The following CARMIL2 variants were observed in gnomAD, a reference collection of about 807,000 sequenced individuals.
The protein encoded by CARMIL2 is capping protein, Arp2/3 and myosin-I linker protein 2.
In CARMIL2, 96 loss-of-function variants were observed where a neutral mutation model predicts 173.3. The ratio of observed to expected loss-of-function variants is 0.55; its 90% CI spans 0.47 to 0.66. CARMIL2 has a LOEUF of 0.66. Ranked by LOEUF, CARMIL2 falls within the 30% of genes least tolerant of loss-of-function variation. The pLI, the probability that CARMIL2 is intolerant of heterozygous loss-of-function variation, is 0.00. For missense variants in CARMIL2, 1,771 were observed against 1,906.7 expected (o/e 0.93, Z 1.33); for synonymous variants, 830 against 817.1 (o/e 1.02, Z -0.27).
chr16:67,650,912 C>T (rs1233676473), intron 22 of CARMIL2: 1 of 406,610 alleles, frequency 2.5e-6, no homozygotes, highest in Non-Finnish European at 4.5e-6. Flanking sequence ...TCAGTCTATC[C>T]TCTGTGTGGA....
Position 67,654,390 on chromosome 16 carries a change from C to T in CARMIL2, c.3280C>T (p.Leu1094=). Residue 1094 remains leucine (L), a synonymous_variant, in exon 31 of 38, where the codon CTG becomes TTG. Coordinates refer to ENST00000334583, the MANE Select transcript of CARMIL2 (RefSeq NM_001013838.3). ...EGGATPVPRT[L]RKKLGTLFAF... ...GGGCGCCACTCCTGTCCCCCGTACACTGCGAAAGAAGCTGGGCACCCTCTT... is the reference window on the plus strand; with the variant it reads ...GGGCGCCACTCCTGTCCCCCGTACATTGCGAAAGAAGCTGGGCACCCTCTT... 2 of 1,608,502 alleles carry T rather than the reference C, an allele frequency of 1.2e-6. No homozygotes were observed. The highest frequency in any genetic ancestry group is 1.7e-6 in the Non-Finnish European group (2 of 1,177,848).
chr16:67,649,697 T>C lies in CARMIL2; in HGVS notation c.1919+78T>C, dbSNP rs2142926172. ...AGGGCACCGGGCTAAGGGGAGGGAC[T>C]GAATGAGGCGGAGCAAATGGAGCAG... On this transcript the variant is annotated intron_variant, in intron 20 of 37. Coordinates refer to ENST00000334583, the MANE Select transcript of CARMIL2 (RefSeq NM_001013838.3). This position sits in a 1 kb window ranked among gnomAD's most constrained non-coding sequence, Gnocchi z 6.7. 2 of 1,559,770 alleles carry C rather than the reference T, an allele frequency of 1.3e-6. No individual in the cohort carries two copies. The highest frequency in any genetic ancestry group is 2.4e-5 in the South Asian group (2 of 84,114).
intron 29 of CARMIL2, 67 bp from the exon 30 acceptor site, chr16:67,654,082 G>GCC: frequency 4.8e-6 from 1 of 208,996 alleles, no homozygotes; most frequent in Non-Finnish European, 6.9e-6. Flanking sequence ...CTGCCGGCCG[G>GCC]GGGGGGGGGG....
chr16:67,652,882 G>C lies in CARMIL2; in HGVS notation c.2885-137G>C. On this transcript the variant is annotated intron_variant, in intron 28 of 37. Coordinates refer to ENST00000334583, the MANE Select transcript of CARMIL2 (RefSeq NM_001013838.3). The surrounding 1 kb of genome is among the most constrained non-coding windows in gnomAD (Gnocchi z 4.7). ...GCGGCGGCGGCGGGGGAGGGGCGGAGGGGCAGAGGGGCGGGGGGACGGGCG... is the reference window on the plus strand; with the variant it reads ...GCGGCGGCGGCGGGGGAGGGGCGGACGGGCAGAGGGGCGGGGGGACGGGCG... 1 of 219,640 alleles carries C rather than the reference G, an allele frequency of 4.6e-6. No homozygotes were observed. The highest frequency in any genetic ancestry group is 8.4e-6 in the Non-Finnish European group (1 of 118,994). 13.6% of individuals were successfully genotyped at this position (219,640 alleles called of 1,614,324 possible).
chr16:67,657,341 G>C lies in CARMIL2; in HGVS notation c.4195+25G>C, dbSNP rs762216456. 7 of 1,612,402 alleles carry C rather than the reference G, an allele frequency of 4.3e-6. No individual in the cohort carries two copies. The Admixed American group carries it at 1.0e-4, about 23-fold the overall frequency. On this transcript the variant is annotated intron_variant, in intron 37 of 37. Coordinates refer to ENST00000334583, the MANE Select transcript of CARMIL2 (RefSeq NM_001013838.3). The surrounding 1 kb of genome is among the most constrained non-coding windows in gnomAD (Gnocchi z 4.5). ...GGTAAGAGGGGGTCCAGGCCAGCTG[G>C]GAGGGTGGCAGGACTGCTTAGCCCA...
In CARMIL2 at chr16:67,651,474, TTC is replaced by T. The variant is rs779614346; in HGVS notation, c.2389_2390del (p.Leu797GlufsTer64). On this transcript the variant is annotated frameshift_variant, in exon 24 of 38. Transcript: ENST00000334583. LOFTEE classifies it high-confidence loss of function. The surrounding 1 kb of genome is among the most constrained non-coding windows in gnomAD (Gnocchi z 4.2). ...CAGCTTGGGCAGAAGCTGGAGGGCC[TTC>T]TGAGACAGGTGGGCGAGGTCTGCCG... 1 of 1,599,482 alleles carries T rather than the reference TTC, an allele frequency of 6.3e-7. No homozygotes were observed. The highest frequency in any genetic ancestry group is 1.1e-5 in the South Asian group (1 of 88,916).
At position 67,654,564 on chromosome 16, in the gene CARMIL2, G is replaced by A; in HGVS notation, c.3454G>A (p.Glu1152Lys). 1.9e-6 allele frequency: 3 copies of A among 1,611,700 alleles called. No individual in the cohort carries two copies. Among genetic ancestry groups the A allele is most frequent in the Non-Finnish European group, 2.5e-6 (3 of 1,179,204 alleles). The change falls in exon 31 of 38, where the codon GAG becomes AAG. Residue 1152 changes from glutamate to lysine, a missense_variant. Glu to Lys is a moderately conservative substitution (Grantham distance 56, BLOSUM62 1). Coordinates refer to ENST00000334583, the MANE Select transcript of CARMIL2 (RefSeq NM_001013838.3). ...CCGTGGTGAGGAGCTTGGTGGGGCT[G>A]AGGGGGACACCAGCAGCCCTGACCC... ...PSRGEELGGA[E>K]GDTSSPDPAG...
rs1196194324 is a variant in CARMIL2, at chr16:67,657,131, AGT to A, written c.4118-100_4118-99del. 2.0e-6 allele frequency: 2 copies of A among 988,406 alleles called. No individual in the cohort carries two copies. Among genetic ancestry groups the A allele is most frequent in the East Asian group, 2.6e-5 (1 of 37,994 alleles). 61.2% of individuals were successfully genotyped at this position (988,406 alleles called of 1,614,324 possible). On this transcript the variant is annotated intron_variant, in intron 36 of 37. Coordinates refer to ENST00000334583, the MANE Select transcript of CARMIL2 (RefSeq NM_001013838.3). This position sits in a 1 kb window ranked among gnomAD's most constrained non-coding sequence, Gnocchi z 4.5. ...GGACGGGGGATGCTCTGAAGGCAGCAGTGTGTGTGAGTGCATGCTTATGTGCA... is the reference window on the plus strand; with the variant it reads ...GGACGGGGGATGCTCTGAAGGCAGCAGTGTGTGAGTGCATGCTTATGTGCA...
chr16:67,647,613 G>T lies in CARMIL2; in HGVS notation c.871+11G>T. ...TGCTGGATGACCGAGGTATGACTGAGCCTGGGGACCGCAGGGGTGGGCAGC... is the reference window on the plus strand; with the variant it reads ...TGCTGGATGACCGAGGTATGACTGATCCTGGGGACCGCAGGGGTGGGCAGC... On this transcript the variant is annotated intron_variant, in intron 11 of 37. Transcript: ENST00000334583. 6.2e-7 allele frequency: 1 copy of T among 1,607,886 alleles called. No individual in the cohort carries two copies. Among genetic ancestry groups the T allele is most frequent in the South Asian group, 1.1e-5 (1 of 89,784 alleles).
At position 67,645,260 on chromosome 16, in the gene CARMIL2, C is replaced by T; in HGVS notation, c.14C>T (p.Pro5Leu). 6.2e-7 allele frequency: 1 copy of T among 1,602,552 alleles called. No individual in the cohort carries two copies. Among genetic ancestry groups the T allele is most frequent in the South Asian group, 1.1e-5 (1 of 89,018 alleles). Residue 5 changes from proline to leucine, a missense_variant, in exon 1 of 38, where the codon CCC becomes CTC. Around this residue, in one of 3 missense-constraint regions of CARMIL2, gnomAD observed 944 missense variants for 975.6 expected, o/e 0.97. Transcript: ENST00000334583. ...CCCGCCCGGCCCATGGCCCAGACCC[C>T]CGACGGCATCTCCTGTGAGCTCCGA... Reference protein sequence around the residue: MAQTPDGISCELRGE... With the variant: MAQTLDGISCELRGE...
At chr16:67,650,557 C>T (rs543260544) in intron 22 of CARMIL2, 1 of 221,120 alleles carries the variant, frequency 4.5e-6, no homozygotes, top group South Asian at 8.5e-5. Flanking sequence ...CTCTCCATTC[C>T]CAAATACCTC....
Position 67,654,326 on chromosome 16 carries a change from C to G in CARMIL2, c.3222-6C>G, listed in dbSNP as rs1434269631. ...CTTTCTCGCTCACTGCTGGGTGTCCCCACAGCTGGGCCCCCGAGGAGGACC... is the reference window on the plus strand; with the variant it reads ...CTTTCTCGCTCACTGCTGGGTGTCCGCACAGCTGGGCCCCCGAGGAGGACC... On this transcript the variant is annotated splice_region_variant and splice_polypyrimidine_tract_variant and intron_variant, in intron 30 of 37. Transcript: ENST00000334583. The G allele has an allele frequency of 2.5e-6, 4 of 1,589,072 alleles. No homozygotes were observed. The highest frequency in any genetic ancestry group is 1.3e-5 in the African/African-American group (1 of 74,604).
chr16:67,648,922 A>G lies in CARMIL2; in HGVS notation c.1539A>G (p.Gln513=), dbSNP rs372865421. The change falls in exon 17 of 38, where the codon CAA becomes CAG. Residue 513 remains glutamine, a synonymous_variant. Transcript: ENST00000334583. The surrounding 1 kb of genome is among the most constrained non-coding windows in gnomAD (Gnocchi z 6.1). ...ELRSAGAQVI[Q]DLVCDAGAVS... is the part of the protein sequence containing the mutation. ...GCTCGGCCGGCGCCCAGGTGATACA[A>G]GACTTAGTGTGCGACGCAGGCGCTG... The G allele has an allele frequency of 1.9e-6, 3 of 1,609,262 alleles. No homozygotes were observed. The highest frequency in any genetic ancestry group is 8.5e-7 in the Non-Finnish European group (1 of 1,178,168).
Position 67,649,675 on chromosome 16 carries a change from G to T in CARMIL2, c.1919+56G>T. ...GGCAGGGGGCGCGGTGGAGAGGAGG[G>T]CACCGGGCTAAGGGGAGGGACTGAA... On this transcript the variant is annotated intron_variant, in intron 20 of 37. Transcript: ENST00000334583. The surrounding 1 kb of genome is among the most constrained non-coding windows in gnomAD (Gnocchi z 6.7). The T allele has an allele frequency of 1.9e-6, 3 of 1,557,108 alleles. No homozygotes were observed. The highest frequency in any genetic ancestry group is 1.2e-5 in the South Asian group (1 of 84,758).
intron 29 of CARMIL2, 62 bp from the exon 30 acceptor site, chr16:67,654,087 G>GA: frequency 2.7e-6 from 3 of 1,104,396 alleles, no homozygotes; most frequent in South Asian, 1.6e-5. Flanking sequence ...GGCCGGGGGG[G>GA]GGGGGGGGTA....
In CARMIL2 at chr16:67,654,369, G is replaced by T; in HGVS notation, c.3259G>T (p.Ala1087Ser). 6.2e-7 allele frequency: 1 copy of T among 1,603,332 alleles called. No individual in the cohort carries two copies. The highest frequency in any genetic ancestry group is 1.3e-5 in the African/African-American group (1 of 74,804). ...GGAGGACCCGGCCACTGAGGGGGGC[G>T]CCACTCCTGTCCCCCGTACACTGCG... ...PEEDPATEGG[A>S]TPVPRTLRKK... is the part of the protein sequence containing the mutation. Residue 1087 changes from alanine (A) to serine (S), a missense_variant, in exon 31 of 38, where the codon GCC (alanine) becomes TCC (serine). By Grantham distance (99) the Ala-to-Ser change is moderately conservative. Transcript: ENST00000334583.
chr16:67,653,970 G>T lies in CARMIL2; in HGVS notation c.3121-179G>T, dbSNP rs1264098603. On this transcript the variant is annotated intron_variant, in intron 29 of 37. Coordinates refer to ENST00000334583, the MANE Select transcript of CARMIL2 (RefSeq NM_001013838.3). The surrounding 1 kb of genome is among the most constrained non-coding windows in gnomAD (Gnocchi z 7.4). Reference sequence around the variant, plus strand: ...GGAGCCAGCAGCGAGTGAGGAGTGCGTGAAATCTGGAGTCTCTGTCCAGCA... The same window carrying T: ...GGAGCCAGCAGCGAGTGAGGAGTGCTTGAAATCTGGAGTCTCTGTCCAGCA... Among the ~76,000 whole-genome samples the T allele has an allele frequency of 6.6e-6, 1 of 151,866 alleles. No homozygotes were observed. Among genetic ancestry groups the T allele is most frequent in the Non-Finnish European group, 1.5e-5 (1 of 67,950 alleles).
chr16:67,649,533 G>C lies in CARMIL2; in HGVS notation c.1833G>C (p.Leu611=). ...LLRALATNPN[L]TALDISGNAM... is the part of the protein sequence containing the mutation. ...GGGCCCTAGCCACCAATCCTAACCT[G>C]ACCGCGCTGGATATCAGCGGCAACG... The change falls in exon 20 of 38, where the codon CTG becomes CTC. Residue 611 remains leucine (L), a synonymous_variant. Transcript: ENST00000334583. This position sits in a 1 kb window ranked among gnomAD's most constrained non-coding sequence, Gnocchi z 6.7. The C allele has an allele frequency of 6.2e-7, 1 of 1,606,452 alleles. No individual in the cohort carries two copies.
At chr16:67,647,076 A>G (rs1250000095) in intron 8 of CARMIL2, 40 bp from the exon 9 acceptor site, 2 of 1,610,900 alleles carry the variant, frequency 1.2e-6, no homozygotes, top group East Asian at 4.5e-5. Flanking sequence ...ACCTGGCTGG[A>G]GGGCCCTGAG....
Sources: gnomAD v4.1 joint callset for allele counts (sites outside exome capture counted in the v4.1 genomes callset) on GRCh38, gnomAD v4.1.1 for gene constraint, gnomAD v4.1.1 regional missense constraint, Gnocchi (gnomAD v3.1) non-coding constraint, MANE v1.5 for transcripts, NCBI Gene and HGNC (gene_info 2026-07-23, HGNC 2026-07-21) for gene names.